NAGA: variants seen among roughly 807,000 people sequenced by gnomAD.
NAGA encodes the protein Acetylgalactosaminidase, alpha-N- (alpha-galactosidase B).
NAGA carries 42 observed loss-of-function variants against 45.6 expected under a neutral mutation model. The observed-to-expected ratio is 0.92, with a 90% CI of 0.72 to 1.19. The LOEUF is 1.19. Ranked by LOEUF, NAGA falls within the 50% of genes most tolerant of loss-of-function variation. NAGA has a pLI of 0.00. For synonymous variants in NAGA, 176 were observed against 203.1 expected, an observed-to-expected ratio of 0.87 and a Z score of 1.13; for missense variants, 493 against 544.8, an observed-to-expected ratio of 0.90 and a Z score of 0.95.
chr22:42,064,476 TAAA>T (rs133365), intron 6 of NAGA, among the ~76,000 whole-genome samples: 4 of 126,094 alleles, frequency 3.2e-5, no homozygotes, highest in Non-Finnish European at 5.0e-5. Context: ...CCATCTCTAC[TAAA>T]AAAAAAAAAA....
At chr22:42,067,980 G>A (rs751827355) in intron 2 of NAGA, 44 bp from the exon 3 acceptor site, 13 of 1,578,290 alleles carry the variant, frequency 8.2e-6, no homozygotes, top group Middle Eastern at 1.7e-4. Flanking sequence ...GACCCAGCCC[G>A]GCCCTCACCC....
chr22:42,061,093 T>G (rs1186948899), intron 7 of NAGA, 26 bp from the exon 8 acceptor site: 2 of 1,612,338 alleles, frequency 1.2e-6, no homozygotes, highest in African/African-American at 2.7e-5. Context: ...GGCTACTGGC[T>G]GGGGTCCCTT....
At position 42,060,919 on chromosome 22, in the gene NAGA, C is replaced by G. The variant is rs1481356676; in HGVS notation, c.1101+5G>C. 6.2e-7 allele frequency: 1 copy of G among 1,614,126 alleles called. No individual in the cohort carries two copies. The highest frequency in any genetic ancestry group is 8.5e-7 in the Non-Finnish European group (1 of 1,180,014). On this transcript the variant is annotated splice_donor_5th_base_variant and intron_variant, in intron 8 of 8. Coordinates refer to ENST00000396398, the MANE Select transcript of NAGA (RefSeq NM_000262.3). ...GCGGGTGGCTGCAGGCAGCCGGGTGCTCACCTCATATATCACAGACCCGGT... is the reference window on the plus strand; with the variant it reads ...GCGGGTGGCTGCAGGCAGCCGGGTGGTCACCTCATATATCACAGACCCGGT...
Position 42,058,995 on chromosome 22 carries a change from G to A in NAGA, c.*1284C>T, listed in dbSNP as rs1336216836. 1 of 152,188 alleles carries A rather than the reference G, an allele frequency of 6.6e-6. No homozygotes were observed. Among genetic ancestry groups the A allele is most frequent in the Non-Finnish European group, 1.5e-5 (1 of 68,046 alleles). The allele number at this position is 152,188 out of a possible 1,614,324, so 9.4% of individuals were successfully genotyped here. The stretch of plus-strand genomic sequence containing the variant: ...CATCTTAAATGATGTAACAAAATGT[G>A]CATATGTAAGTTTTTACACCATACC... On this transcript the variant is annotated 3_prime_UTR_variant, in exon 9 of 9. Coordinates refer to ENST00000396398, the MANE Select transcript of NAGA (RefSeq NM_000262.3).
At chr22:42,061,099 C>A (rs1926357856) in intron 7 of NAGA, 32 bp from the exon 8 acceptor site, 1 of 1,611,250 alleles carries the variant, frequency 6.2e-7, no homozygotes, top group South Asian at 1.1e-5. Flanking sequence ...TGGCTGGGGT[C>A]CCTTGCTCAG....
At chr22:42,061,181 AGGTTTAGG>A in intron 7 of NAGA, 114 bp from the exon 8 acceptor site, 1 of 1,342,284 alleles carries the variant, frequency 7.4e-7, no homozygotes, top group Non-Finnish European at 1.0e-6. Context: ...CATGTCACAC[AGGTTTAGG>A]GAGGATGCCA....
chr22:42,066,935 G>T, intron 4 of NAGA, 131 bp from the exon 5 acceptor site: 1 of 1,355,966 alleles, frequency 7.4e-7, no homozygotes, highest in Non-Finnish European at 1.0e-6. Context: ...CATACCCAGA[G>T]CCTCAAATGC....
chr22:42,070,226 C>T, intron 1 of NAGA, 56 bp downstream of exon 1: 3 of 1,601,036 alleles, frequency 1.9e-6, no homozygotes, highest in Non-Finnish European at 2.6e-6. Flanking sequence ...AGGGCCAAAG[C>T]ACTCCTTGTA....
In NAGA at chr22:42,060,137, T is replaced by G; in HGVS notation, c.*142A>C. 398 of 1,115,724 alleles carry G rather than the reference T, an allele frequency of 3.6e-4. No homozygotes were observed. Among genetic ancestry groups the G allele is most frequent in the Middle Eastern group, 5.7e-4 (2 of 3,492 alleles). The allele number at this position is 1,115,724 out of a possible 1,614,324, so 69.1% of individuals were successfully genotyped here. A position where few individuals can be genotyped will look rare whatever the true frequency, so the allele number is the denominator to read the frequency against. ...TTGGACAGGGCATAGAACCTGGCCGTGAGATTGCACTTTGGGTATGATGGG... is the reference window on the plus strand; with the variant it reads ...TTGGACAGGGCATAGAACCTGGCCGGGAGATTGCACTTTGGGTATGATGGG... On this transcript the variant is annotated 3_prime_UTR_variant, in exon 9 of 9. Transcript: ENST00000396398.
intron 6 of NAGA, among the ~76,000 whole-genome samples, chr22:42,063,510 C>T (rs1318885856): frequency 1.3e-5 from 2 of 152,224 alleles, no homozygotes; most frequent in Admixed American, 6.5e-5. Context: ...ATAATAACAT[C>T]AACCCCTGAC....
chr22:42,067,425 G>A, intron 3 of NAGA, 135 bp from the exon 4 acceptor site: 1 of 1,150,620 alleles, frequency 8.7e-7, no homozygotes, highest in Non-Finnish European at 1.3e-6. Flanking sequence ...TGCTGGCCCG[G>A]CCTCTGCCCA....
Position 42,068,517 on chromosome 22 carries a change from G to A in NAGA, c.74C>T (p.Thr25Ile). 6.2e-7 allele frequency: 1 copy of A among 1,614,178 alleles called. No individual in the cohort carries two copies. ...VLMLDNGLLQ[T>I]PPMGWLAWER... Reference sequence around the variant, plus strand: ...CCAGGCCAGCCAGCCCATGGGTGGTGTCTGCAGGAGCCCATTGTCCAGCAT... The same window carrying A: ...CCAGGCCAGCCAGCCCATGGGTGGTATCTGCAGGAGCCCATTGTCCAGCAT... The change falls in exon 2 of 9, where the codon ACA becomes ATA. Residue 25 changes from threonine (T) to isoleucine (I), a missense_variant. Coordinates refer to ENST00000396398, the MANE Select transcript of NAGA (RefSeq NM_000262.3).
In NAGA at chr22:42,067,156, G is replaced by C. The variant is rs199946665; in HGVS notation, c.459C>G (p.Leu153=). ...QTFAEWKVDM[L]KLDGCFSTPE... ...GGGTGGAGAAGCAGCCATCCAGCTT[G>C]AGCATGTCTACCTTCCACTCGGCGA... is the stretch of plus-strand genomic sequence containing the variant. The change falls in exon 4 of 9, where the codon CTC becomes CTG. Residue 153 remains leucine (L), a synonymous_variant. Coordinates refer to ENST00000396398, the MANE Select transcript of NAGA (RefSeq NM_000262.3). The C allele has an allele frequency of 1.9e-6, 3 of 1,614,150 alleles. No homozygotes were observed. The highest frequency in any genetic ancestry group is 1.1e-5 in the South Asian group (1 of 91,086).
At chr22:42,063,153 C>A (rs1389497359) in intron 6 of NAGA, 129 bp from the exon 7 acceptor site, 15 of 929,804 alleles carry the variant, frequency 1.6e-5, no homozygotes, top group Middle Eastern at 3.1e-4. Flanking sequence ...GTGGAGGAGG[C>A]CTGGTTCAGC....
chr22:42,063,258 G>A (rs1002699415), intron 6 of NAGA, among the ~76,000 whole-genome samples: 2 of 152,090 alleles, frequency 1.3e-5, no homozygotes, highest in African/African-American at 2.4e-5. Flanking sequence ...AGGAGTCGGC[G>A]GTAGGGGGGT....
intron 5 of NAGA, 119 bp downstream of exon 5, chr22:42,066,591 G>A: frequency 2.2e-6 from 2 of 924,042 alleles, no homozygotes; most frequent in South Asian, 3.2e-5. Flanking sequence ...TCACCATATG[G>A]GCACCTGTGG....
rs1379753288 is a variant in NAGA at position 42,067,953 on chromosome 22, G to A, written c.153-17C>T. 8 of 1,612,694 alleles carry A rather than the reference G, an allele frequency of 5.0e-6. No homozygotes were observed. The highest frequency in any genetic ancestry group is 3.4e-6 in the Non-Finnish European group (4 of 1,179,658). On this transcript the variant is annotated splice_polypyrimidine_tract_variant and intron_variant, in intron 2 of 8. Transcript: ENST00000396398. The stretch of plus-strand genomic sequence containing the variant: ...AGCTGTTCACTAGTGAGGGGCAGAG[G>A]GATGGGGTAGCTCAGGGACCCAGCC...
intron 6 of NAGA, among the ~76,000 whole-genome samples, chr22:42,063,312 C>T (rs1163492589): frequency 6.6e-6 from 1 of 152,100 alleles, no homozygotes; most frequent in Non-Finnish European, 1.5e-5. Context: ...TAAATGCCAG[C>T]ACTTTGGGAG....
chr22:42,067,221 C>T lies in NAGA; in HGVS notation c.394G>A (p.Gly132Ser), dbSNP rs750991609. 7 of 1,614,186 alleles carry T rather than the reference C, an allele frequency of 4.3e-6. No homozygotes were observed. The highest frequency in any genetic ancestry group is 1.6e-4 in the Middle Eastern group (1 of 6,062). Residue 132 changes from glycine to serine, a missense_variant, in exon 4 of 9, where the codon GGC (glycine) becomes AGC (serine). Gly to Ser is a moderately conservative substitution (Grantham distance 56, BLOSUM62 0). Coordinates refer to ENST00000396398, the MANE Select transcript of NAGA (RefSeq NM_000262.3). Reference sequence around the variant, plus strand: ...TGGACCACCTTGTCCAGTGTGGTGCCTGGGTAACCCATGCAGGTGAAGTTG... The same window carrying T: ...TGGACCACCTTGTCCAGTGTGGTGCTTGGGTAACCCATGCAGGTGAAGTTG... ...MGNFTCMGYPGTTLDKVVQDA... is the reference protein window; with the variant it reads ...MGNFTCMGYPSTTLDKVVQDA...
Sources: allele counts gnomAD v4.1 joint callset (sites outside exome capture counted in the v4.1 genomes callset), GRCh38; gene constraint gnomAD v4.1.1; transcripts MANE v1.5; gene names NCBI Gene and HGNC (gene_info 2026-07-23, HGNC 2026-07-21).